The following ADGRD2 variants were observed in gnomAD, a reference collection of about 807,000 sequenced individuals.
ADGRD2 encodes G protein-coupled receptor PGR24.
A neutral mutation model predicts 44.4 loss-of-function variants in ADGRD2; 71 were observed. That is an observed-to-expected ratio of 1.60 (90% CI 1.32 to 1.95). The LOEUF (loss-of-function observed/expected upper bound fraction) is 1.95, where lower values mean the gene tolerates loss of function less well. ADGRD2 is among the 30% of genes most tolerant of loss of function. ADGRD2 has a pLI of 0.00. For missense variants in ADGRD2, 1,039 were observed against 512.4 expected (o/e 2.03, Z -9.92); for synonymous variants, 481 against 224.8 (o/e 2.14, Z -10.19).
chr9:124,468,357 G>A (rs1246465134), intron 13 of ADGRD2, among the ~76,000 whole-genome samples, 162 bp from the exon 17 acceptor site: 1 of 152,222 alleles, frequency 6.6e-6, no homozygotes, highest in Non-Finnish European at 1.5e-5. Context: ...GGCCCTGGGA[G>A]GAAAGGCCCC....
At chr9:124,471,383 C>G (rs909189167) in intron 17 of ADGRD2, among the ~76,000 whole-genome samples, 1 of 152,218 alleles carries the variant, frequency 6.6e-6, no homozygotes, top group Non-Finnish European at 1.5e-5. Context: ...GTGCCAGGCT[C>G]AGGAAGTCAG....
rs9987946 is a variant in ADGRD2, at chr9:124,476,352, C to T, written c.2846-5C>T. ...TCTCTCAAAAATTTGCCTTTTCCTC[C>T]CTAGGGACCTATGGCCCTAGAACTC... On this transcript the variant is annotated splice_polypyrimidine_tract_variant and splice_region_variant and intron_variant, in intron 19 of 21. Transcript: ENST00000334810. The T allele has an allele frequency of 2.9e-6, 2 of 696,474 alleles. No individual in the cohort carries two copies. Among genetic ancestry groups the T allele is most frequent in the Non-Finnish European group, 5.3e-6 (2 of 380,522 alleles). 43.1% of individuals were successfully genotyped at this position (696,474 alleles called of 1,614,324 possible).
chr9:124,453,327 T>A, exon 3 of ADGRD2: 2 of 500,492 alleles, frequency 4.0e-6, no homozygotes, highest in African/African-American at 2.0e-5. Context: ...GCTGGCACCA[T>A]GTGTGCGCCA....
exon 8 of ADGRD2, chr9:124,457,487 G>T: frequency 1.5e-6 from 1 of 656,232 alleles, no homozygotes; most frequent in Admixed American, 2.3e-5. Context: ...GAGGTGCGGA[G>T]CTTACGCTTG....
upstream of ADGRD2, chr9:124,451,161 A>T: frequency 2.1e-6 from 1 of 472,328 alleles, no homozygotes; most frequent in Non-Finnish European, 4.4e-6. Context: ...CACCTTGGGG[A>T]GCAGGGGAAA....
intron 11 of ADGRD2, chr9:124,467,052 G>C (rs1176127820): frequency 6.5e-6 from 1 of 152,850 alleles, no homozygotes; most frequent in Non-Finnish European, 1.5e-5. Context: ...TAGAGTCAGG[G>C]CCAGGCACGG....
At chr9:124,468,010 A>T (rs1419275952) in intron 12 of ADGRD2, 78 bp from the exon 16 acceptor site, 1 of 715,410 alleles carries the variant, frequency 1.4e-6, no homozygotes, top group African/African-American at 1.7e-5. Context: ...GGCACAGGGG[A>T]TCGGGCAGGA....
intron 17 of ADGRD2, 85 bp downstream of exon 20, chr9:124,470,699 G>A: frequency 1.6e-6 from 1 of 622,148 alleles, no homozygotes; most frequent in Non-Finnish European, 3.0e-6. Flanking sequence ...GGGCCTGGGA[G>A]GGTGAGCTCT....
intron 21 of ADGRD2, 27 bp downstream of exon 24, chr9:124,476,736 C>T: frequency 1.4e-6 from 1 of 695,808 alleles, no homozygotes; most frequent in Non-Finnish European, 2.6e-6. Context: ...ACGGGGTCCC[C>T]TCTTTTCTTT....
intron 14 of ADGRD2, 25 bp from the exon 18 acceptor site, chr9:124,469,197 T>C (rs1426696797): frequency 2.9e-6 from 2 of 700,058 alleles, no homozygotes; most frequent in Non-Finnish European, 5.3e-6. Context: ...GACCCAGCCT[T>C]GAGGCCCCCT....
At chr9:124,450,497 G>C (rs1285445497), upstream of ADGRD2, among the ~76,000 whole-genome samples, 1 of 152,234 alleles carries the variant, frequency 6.6e-6, no homozygotes, top group Non-Finnish European at 1.5e-5. Flanking sequence ...CAGGCGCCAG[G>C]CCAGCCATAG....
intron 7 of ADGRD2, 138 bp downstream of exon 10, chr9:124,456,871 T>G (rs1233108256): frequency 6.2e-6 from 4 of 649,542 alleles, no homozygotes; most frequent in Non-Finnish European, 1.1e-5. Flanking sequence ...GCATCCAGAA[T>G]GCCCTCTCTC....
At chr9:124,458,339 G>C in intron 9 of ADGRD2, 103 bp downstream of exon 12, 1 of 654,682 alleles carries the variant, frequency 1.5e-6, no homozygotes, top group Non-Finnish European at 2.8e-6. Flanking sequence ...GCAGCCCAGG[G>C]CCCACCCTTT....
chr9:124,472,759 C>T (rs554131285), intron 17 of ADGRD2, among the ~76,000 whole-genome samples: 21 of 152,340 alleles, frequency 1.4e-4, no homozygotes, highest in East Asian at 7.7e-4. Flanking sequence ...CCTCCCGCCT[C>T]GGCCTCCCAA....
chr9:124,468,468 T>C, intron 13 of ADGRD2, 51 bp from the exon 17 acceptor site: 2 of 716,780 alleles, frequency 2.8e-6, no homozygotes, highest in South Asian at 3.0e-5. Flanking sequence ...GGGGCTGGCC[T>C]GCACCTGCGT....
chr9:124,452,002 CCTCCCA>C, upstream of ADGRD2: 1 of 328,202 alleles, frequency 3.0e-6, no homozygotes, highest in Non-Finnish European at 6.0e-6. Context: ...TGAATGCCCC[CCTCCCA>C]CCCACCCCCA....
chr9:124,464,130 A>G (rs921645441), intron 10 of ADGRD2, among the ~76,000 whole-genome samples: 10 of 152,032 alleles, frequency 6.6e-5, no homozygotes, highest in African/African-American at 2.4e-4. Context: ...GCCTTGTTTA[A>G]TATTCTAAAG....
chr9:124,471,291 C>T (rs1831941845), intron 17 of ADGRD2, among the ~76,000 whole-genome samples: 1 of 152,108 alleles, frequency 6.6e-6, no homozygotes, highest in African/African-American at 2.4e-5. Flanking sequence ...CTCCCTGTCA[C>T]CTGCACCTCC....
chr9:124,453,416 GC>G lies in ADGRD2; in HGVS notation c.665del (p.His223ThrfsTer42). 2 of 617,852 alleles carry G rather than the reference GC, an allele frequency of 3.2e-6. No homozygotes were observed. The highest frequency in any genetic ancestry group is 3.3e-5 in the East Asian group (1 of 30,230). 38.3% of individuals were successfully genotyped at this position (617,852 alleles called of 1,614,324 possible). A position where few individuals can be genotyped will look rare whatever the true frequency, so the allele number is the denominator to read the frequency against. On this transcript the variant is annotated frameshift_variant, in exon 3 of 22. Transcript: ENST00000334810. LOFTEE classifies it high-confidence loss of function. The stretch of plus-strand genomic sequence containing the variant: ...GCTGGGGCGCGGGGGCTGGGCGCCG[GC>G]CACCCGGTGCCGTCCGGCGGCATCC...
Sources: allele counts gnomAD v4.1 joint callset (sites outside exome capture counted in the v4.1 genomes callset), GRCh38; gene constraint gnomAD v4.1.1; transcripts MANE v1.5; gene names NCBI Gene and HGNC (gene_info 2026-07-23, HGNC 2026-07-21).